Variants in RAB3C observed in about 807,000 individuals in gnomAD.
The protein encoded by RAB3C is RAB3C, member RAS oncogene family, also known as ras-related protein Rab-3C.
A neutral mutation model predicts 26.4 loss-of-function variants in RAB3C; 17 were observed. The observed-to-expected ratio is 0.64, with a 90% confidence interval of 0.44 to 0.97. The LOEUF (loss-of-function observed/expected upper bound fraction) is 0.97. Ranked by LOEUF, RAB3C falls within the 50% of genes least tolerant of loss-of-function variation. The pLI is 0.00. For missense variants in RAB3C, 242 were observed against 281.9 expected (o/e 0.86, Z 1.01); for synonymous variants, 91 against 95.9 (o/e 0.95, Z 0.30).
At chr5:58,772,581 G>A (rs553261569) in intron 3 of RAB3C, among the ~76,000 whole-genome samples, 3 of 152,114 alleles carry the variant, frequency 2.0e-5, no homozygotes, top group Non-Finnish European at 2.9e-5. Context: ...TCTTTTCATT[G>A]TCATGAGAAC....
intron 2 of RAB3C, among the ~76,000 whole-genome samples, chr5:58,692,779 G>A (rs184293843): frequency 5.1e-4 from 78 of 152,022 alleles, no homozygotes; most frequent in Non-Finnish European, 1.2e-4. Context: ...TAAGTCCTTG[G>A]CACCTATAAT....
At chr5:58,731,835 A>T (rs1741029056) in intron 3 of RAB3C, among the ~76,000 whole-genome samples, 1 of 152,178 alleles carries the variant, frequency 6.6e-6, no homozygotes, top group African/African-American at 2.4e-5. Context: ...TGGGTGACTC[A>T]TGGCTCAGCA....
chr5:58,658,776 A>G (rs1747837047), intron 2 of RAB3C, among the ~76,000 whole-genome samples: 1 of 152,170 alleles, frequency 6.6e-6, no homozygotes, highest in African/African-American at 2.4e-5. Context: ...CAGTGGAGCA[A>G]TAAGGCAATG....
At chr5:58,586,389 G>T (rs981771125) in intron 1 of RAB3C, among the ~76,000 whole-genome samples, 3 of 151,996 alleles carry the variant, frequency 2.0e-5, no homozygotes, top group Non-Finnish European at 4.4e-5. Flanking sequence ...TAAATTGGTG[G>T]TGTAAAGAAT....
chr5:58,739,232 C>A (rs1489135703), intron 3 of RAB3C, among the ~76,000 whole-genome samples: 1 of 152,184 alleles, frequency 6.6e-6, no homozygotes, highest in Non-Finnish European at 1.5e-5. Flanking sequence ...ATGTTATTGA[C>A]CCTCATTTTC....
At chr5:58,684,483 A>G (rs1408607069) in intron 2 of RAB3C, among the ~76,000 whole-genome samples, 1 of 152,200 alleles carries the variant, frequency 6.6e-6, no homozygotes, top group African/African-American at 2.4e-5. Flanking sequence ...TTAGTAGGCT[A>G]TCAGGCCAAG....
rs138268594 is a variant in RAB3C at position 58,671,785 on chromosome 5, T to C, written c.252+53915T>C. On this transcript the variant is annotated intron_variant, in intron 2 of 4. Coordinates refer to ENST00000282878, the MANE Select transcript of RAB3C (RefSeq NM_138453.4). ...CTTTTAGGTGTGCTGATAGCCAAGA[T>C]CTTTGCAAGTTCATTTTTTATAAGA... 2.1e-3 allele frequency among the ~76,000 whole-genome samples: 320 copies of C among 152,332 alleles called. 1 individual carries two copies. The highest frequency in any genetic ancestry group is 3.8e-3 in the Non-Finnish European group (259 of 68,030).
intron 2 of RAB3C, among the ~76,000 whole-genome samples, chr5:58,652,352 C>T (rs1396216319): frequency 6.6e-6 from 1 of 151,406 alleles, no homozygotes; most frequent in Non-Finnish European, 1.5e-5. Flanking sequence ...TAATGATCAC[C>T]ATTAATATAG....
At chr5:58,647,783 C>G (rs534841871) in intron 2 of RAB3C, 3 of 152,128 alleles carry the variant, frequency 2.0e-5, no homozygotes, top group Non-Finnish European at 4.4e-5. Flanking sequence ...TGGATGTAAT[C>G]ATGCACACAA....
chr5:58,612,548 GTA>G (rs70973147), intron 1 of RAB3C, among the ~76,000 whole-genome samples: 6,232 of 80,390 alleles, frequency 0.078, 557 homozygotes, highest in African/African-American at 0.27. Flanking sequence ...ATATATATAT[GTA>G]TATATATATA....
chr5:58,817,183 T>C (rs1266279400), intron 3 of RAB3C: 2 of 152,240 alleles, frequency 1.3e-5, no homozygotes, highest in Non-Finnish European at 2.9e-5. Context: ...TACAGCCTAC[T>C]ACTGGATTTT....
chr5:58,691,295 A>G (rs541490707), intron 2 of RAB3C, among the ~76,000 whole-genome samples: 1 of 152,288 alleles, frequency 6.6e-6, no homozygotes, highest in South Asian at 2.1e-4. Flanking sequence ...GCATTTGTTC[A>G]TAAGTGGGCT....
In RAB3C at chr5:58,816,229, T is replaced by C. The variant is rs540103923; in HGVS notation, c.372-8809T>C. On this transcript the variant is annotated intron_variant, in intron 3 of 4. Transcript: ENST00000282878. The stretch of plus-strand genomic sequence containing the variant: ...TAGTTTATGTGGGAAGTGAAAGAAA[T>C]ACCCATAGCAAGAGGGTAAGTGGGC... Among the ~76,000 whole-genome samples, 15 of 152,172 alleles carry C rather than the reference T, an allele frequency of 9.9e-5. 1 individual carries two copies. The highest frequency in any genetic ancestry group is 8.5e-4 in the Admixed American group (13 of 15,286).
intron 1 of RAB3C, among the ~76,000 whole-genome samples, chr5:58,611,923 G>A (rs1746712336): frequency 1.3e-5 from 2 of 152,054 alleles, no homozygotes; most frequent in African/African-American, 2.4e-5. Context: ...TGTAAGGAAG[G>A]GGTCCAGTTT....
intron 3 of RAB3C, among the ~76,000 whole-genome samples, chr5:58,776,998 A>C (rs1186031258): frequency 6.6e-6 from 1 of 152,196 alleles, no homozygotes; most frequent in Non-Finnish European, 1.5e-5. Context: ...CAGAAAGAAA[A>C]GAAGAAATAA....
intron 2 of RAB3C, among the ~76,000 whole-genome samples, chr5:58,698,012 G>A (rs1302793470): frequency 2.6e-5 from 4 of 152,164 alleles, no homozygotes; most frequent in Non-Finnish European, 5.9e-5. Flanking sequence ...TTTCTTCATA[G>A]CATCGATGGT....
chr5:58,683,976 T>A (rs1748396459), intron 2 of RAB3C, among the ~76,000 whole-genome samples: 1 of 152,206 alleles, frequency 6.6e-6, no homozygotes, highest in African/African-American at 2.4e-5. Flanking sequence ...GCTCAACTTA[T>A]AAATTAAAAT....
chr5:58,847,650 G>T (rs933931618), intron 4 of RAB3C, among the ~76,000 whole-genome samples: 1 of 152,100 alleles, frequency 6.6e-6, no homozygotes, highest in Non-Finnish European at 1.5e-5. Flanking sequence ...ATACACAGGT[G>T]ATTGAATGAA....
chr5:58,775,170 A>G (rs1296028467), intron 3 of RAB3C, among the ~76,000 whole-genome samples: 1 of 152,080 alleles, frequency 6.6e-6, no homozygotes, highest in Admixed American at 6.6e-5. Flanking sequence ...TGTCAAAAGG[A>G]CTGTTTCACT....
Sources: allele counts gnomAD v4.1 joint callset (sites outside exome capture counted in the v4.1 genomes callset), GRCh38; gene constraint gnomAD v4.1.1; transcripts MANE v1.5; gene names NCBI Gene and HGNC (gene_info 2026-07-23, HGNC 2026-07-21).